Variants in GATB observed in about 807,000 individuals in gnomAD.
GATB encodes the protein glutamyl-tRNA amidotransferase subunit B.
A neutral mutation model predicts 62.3 loss-of-function variants in GATB; 39 were observed. That is an observed-to-expected ratio of 0.63 (90% CI 0.48 to 0.82). GATB has a LOEUF of 0.82. GATB is among the 40% of genes least tolerant of loss of function. GATB has a pLI of 0.00. For missense variants in GATB, 670 were observed against 684.0 expected (o/e 0.98, Z 0.23); for synonymous variants, 276 against 258.9 (o/e 1.07, Z -0.63).
chr4:151,757,283 G>C (rs1739850444), intron 2 of GATB, among the ~76,000 whole-genome samples: 1 of 152,084 alleles, frequency 6.6e-6, no homozygotes, highest in Non-Finnish European at 1.5e-5. Flanking sequence ...GCAGGGAAGG[G>C]AGTCCTCCAT....
chr4:151,759,026 C>G (rs568354173), intron 1 of GATB, 104 bp from the exon 2 acceptor site: 1 of 735,494 alleles, frequency 1.4e-6, no homozygotes, highest in African/African-American at 1.8e-5. Context: ...GTGTTTTAAA[C>G]TTAATACAAT....
chr4:151,759,542 T>A (rs1207854454), intron 1 of GATB, among the ~76,000 whole-genome samples: 1 of 152,192 alleles, frequency 6.6e-6, no homozygotes, highest in Non-Finnish European at 1.5e-5. Context: ...AACCATCTGA[T>A]GCGGCATATT....
intron 5 of GATB, among the ~76,000 whole-genome samples, chr4:151,713,053 C>G (rs1487015472): frequency 3.3e-5 from 5 of 152,150 alleles, no homozygotes; most frequent in African/African-American, 1.2e-4. Flanking sequence ...ATTAGATTCT[C>G]ATAGGAGCAC....
intron 2 of GATB, among the ~76,000 whole-genome samples, chr4:151,741,478 A>G (rs1453008640): frequency 6.6e-6 from 1 of 152,250 alleles, no homozygotes; most frequent in East Asian, 1.9e-4. Context: ...ACAAACCAAT[A>G]AAAGGATGTG....
At chr4:151,726,187 A>C (rs541034939) in intron 2 of GATB, among the ~76,000 whole-genome samples, 10 of 152,330 alleles carry the variant, frequency 6.6e-5, no homozygotes, top group Non-Finnish European at 1.3e-4. Context: ...AGGCAGTAAA[A>C]CAGGCCTTTA....
chr4:151,723,357 G>T (rs1739068790), intron 2 of GATB: 1 of 152,178 alleles, frequency 6.6e-6, no homozygotes, highest in South Asian at 2.1e-4. Flanking sequence ...GGAAGTGGCA[G>T]AGCCAGGAAG....
At chr4:151,743,890 T>C (rs759534397) in intron 2 of GATB, among the ~76,000 whole-genome samples, 6 of 152,186 alleles carry the variant, frequency 3.9e-5, no homozygotes, top group Admixed American at 1.3e-4. Flanking sequence ...GAAATAATCA[T>C]TGAGAAGTGA....
At chr4:151,715,245 G>T (rs549600718) in intron 5 of GATB, among the ~76,000 whole-genome samples, 1 of 152,328 alleles carries the variant, frequency 6.6e-6, no homozygotes, top group African/African-American at 2.4e-5. Context: ...CTCCATCAGG[G>T]TGTGCTCTGA....
chr4:151,726,541 A>AG (rs1196362269), intron 2 of GATB, among the ~76,000 whole-genome samples: 1 of 152,232 alleles, frequency 6.6e-6, no homozygotes, highest in African/African-American at 2.4e-5. Context: ...GGCATTGCCT[A>AG]GGGACAAGGA....
chr4:151,717,900 T>C (rs1738945187), intron 3 of GATB, among the ~76,000 whole-genome samples: 1 of 151,972 alleles, frequency 6.6e-6, no homozygotes, highest in Non-Finnish European at 1.5e-5. Flanking sequence ...ACAACAACCC[T>C]AGGAAGGAGG....
chr4:151,736,039 T>C (rs1328787305), intron 2 of GATB, among the ~76,000 whole-genome samples: 2 of 151,944 alleles, frequency 1.3e-5, no homozygotes, highest in Non-Finnish European at 2.9e-5. Context: ...AAGAAACTAA[T>C]GCTGACTTGT....
At chr4:151,719,776 A>G in intron 2 of GATB, 1 of 357,500 alleles carries the variant, frequency 2.8e-6, no homozygotes, top group Non-Finnish European at 5.0e-6. Context: ...GAACTGCCAC[A>G]TCGGGAACCC....
intron 5 of GATB, among the ~76,000 whole-genome samples, chr4:151,711,457 G>A (rs144491850): frequency 8.7e-4 from 132 of 152,224 alleles, no homozygotes; most frequent in Non-Finnish European, 1.1e-3. Context: ...GTGCTACCTC[G>A]CTTACCTCGT....
chr4:151,701,228 C>A (rs1738594814), intron 9 of GATB, 101 bp downstream of exon 9: 2 of 922,980 alleles, frequency 2.2e-6, no homozygotes, highest in Non-Finnish European at 1.5e-6. Flanking sequence ...AACACGCCCA[C>A]CCCACTCAGA....
At chr4:151,676,990 C>T (rs1309635087) in intron 11 of GATB, among the ~76,000 whole-genome samples, 2 of 152,170 alleles carry the variant, frequency 1.3e-5, no homozygotes, top group Admixed American at 6.5e-5. Flanking sequence ...CTTTGGAATT[C>T]GGAATTCTGC....
At chr4:151,672,571 G>GTGTT in intron 12 of GATB, 191 bp downstream of exon 12, 1 of 572,358 alleles carries the variant, frequency 1.7e-6, no homozygotes, top group Non-Finnish European at 3.0e-6. Context: ...AAAAGAAGTT[G>GTGTT]TGTTTTTCCA....
At chr4:151,742,088 T>TG (rs1252453922) in intron 2 of GATB, among the ~76,000 whole-genome samples, 2 of 116,888 alleles carry the variant, frequency 1.7e-5, no homozygotes, top group African/African-American at 4.2e-5. Flanking sequence ...GGGAGGGATA[T>TG]GGTTTTTTTT....
intron 2 of GATB, among the ~76,000 whole-genome samples, chr4:151,739,124 G>C (rs1268578974): frequency 6.6e-6 from 1 of 152,208 alleles, no homozygotes; most frequent in Admixed American, 6.5e-5. Context: ...TACGCTTCTT[G>C]CTTCTATAAT....
chr4:151,708,194 T>A (rs1738752572), intron 5 of GATB, 93 bp from the exon 6 acceptor site: 8 of 802,950 alleles, frequency 1.0e-5, no homozygotes, highest in Admixed American at 2.2e-5. Flanking sequence ...AGCATCTAAC[T>A]CTACCTGCTG....
Sources: gnomAD v4.1 joint callset for allele counts (sites outside exome capture counted in the v4.1 genomes callset) on GRCh38, gnomAD v4.1.1 for gene constraint, MANE v1.5 for transcripts, NCBI Gene and HGNC (gene_info 2026-07-23, HGNC 2026-07-21) for gene names.